Variants in NEBL observed in about 807,000 individuals in gnomAD.
The protein encoded by NEBL is LIM and SH3 protein 2.
In NEBL, 122 loss-of-function variants were observed where a neutral mutation model predicts 140.2. That is an observed-to-expected ratio of 0.87 (90% CI 0.75 to 1.01). The LOEUF (loss-of-function observed/expected upper bound fraction) is 1.01, where lower values mean the gene tolerates loss of function less well. Ranked by LOEUF, NEBL falls within the 50% of genes least tolerant of loss-of-function variation. NEBL has a pLI of 0.00. For synonymous variants in NEBL, 436 were observed against 398.9 expected, an observed-to-expected ratio of 1.09 and a Z score of -1.11; for missense variants, 1,365 against 1,231.3, an observed-to-expected ratio of 1.11 and a Z score of -1.62.
At chr10:21,232,121 GGTT>G (rs1842273378) in intron 3 of NEBL, among the ~76,000 whole-genome samples, 1 of 152,016 alleles carries the variant, frequency 6.6e-6, no homozygotes, top group Non-Finnish European at 1.5e-5. Context: ...ACTGCCACAG[GGTT>G]GTTGTTTTTT....
rs1844730821 is a variant in NEBL at position 20,869,804 on chromosome 10, T to C, written c.518A>G (p.Tyr173Cys). ...YRKDVQDTHT[Y>C]SAELDRPDIK... ...GTCTGGTCGGTCAAGTTCTGCACTG[T>C]ACGTGTGGGTGTCCTGCACGTCTTT... The change falls in exon 6 of 28, where the codon TAC becomes TGC. Residue 173 changes from tyrosine to cysteine, a missense_variant. By Grantham distance (194) the Tyr-to-Cys change is radical (BLOSUM62 -2). Coordinates refer to ENST00000377122, the MANE Select transcript of NEBL (RefSeq NM_006393.3). 5.0e-6 allele frequency: 8 copies of C among 1,613,484 alleles called. No homozygotes were observed. The highest frequency in any genetic ancestry group is 6.8e-6 in the Non-Finnish European group (8 of 1,179,440).
At chr10:21,066,625 C>T (rs1835559505) in intron 2 of NEBL, among the ~76,000 whole-genome samples, 1 of 152,224 alleles carries the variant, frequency 6.6e-6, no homozygotes, top group African/African-American at 2.4e-5. Context: ...TTATTTTAAG[C>T]CTCCGAATTT....
At chr10:20,971,469 A>C (rs1222314291) in intron 3 of NEBL, among the ~76,000 whole-genome samples, 1 of 150,796 alleles carries the variant, frequency 6.6e-6, no homozygotes, top group Non-Finnish European at 1.5e-5. Context: ...ATTATACTTT[A>C]AGTTTTAGGG....
chr10:21,084,875 T>C (rs550804948), intron 2 of NEBL, among the ~76,000 whole-genome samples: 5 of 152,326 alleles, frequency 3.3e-5, no homozygotes, highest in East Asian at 3.9e-4. Context: ...GGTCTGGTCA[T>C]GGTTCTTGGT....
At chr10:20,885,708 T>C (rs1337935823) in intron 4 of NEBL, among the ~76,000 whole-genome samples, 1 of 152,196 alleles carries the variant, frequency 6.6e-6, no homozygotes, top group Non-Finnish European at 1.5e-5. Flanking sequence ...AAAGCAATAA[T>C]AGATTGTTTT....
chr10:21,271,718 G>A (rs992626329), intron 1 of NEBL, among the ~76,000 whole-genome samples: 29 of 151,192 alleles, frequency 1.9e-4, no homozygotes, highest in African/African-American at 5.6e-4. Flanking sequence ...TAGAGACGGG[G>A]TTTCACCATG....
intron 3 of NEBL, chr10:21,020,101 A>G: frequency 6.2e-7 from 1 of 1,606,342 alleles, no homozygotes; most frequent in Non-Finnish European, 8.5e-7. Context: ...AACAAAACAA[A>G]TCTTCTAGAA....
Position 20,840,596 on chromosome 10 carries a change from C to G in NEBL, c.1338+143G>C, listed in dbSNP as rs1215801953. On this transcript the variant is annotated intron_variant, in intron 13 of 27. Coordinates refer to ENST00000377122, the MANE Select transcript of NEBL (RefSeq NM_006393.3). ...GGGGATTTTAAAAAAAATTAATAGTCCAAGAAAAGACTACAAGGATATAGC... is the reference window on the plus strand; with the variant it reads ...GGGGATTTTAAAAAAAATTAATAGTGCAAGAAAAGACTACAAGGATATAGC... 9 of 645,236 alleles carry G rather than the reference C, an allele frequency of 1.4e-5. No homozygotes were observed. The East Asian group carries it at 1.7e-4, about 12-fold the overall frequency. The allele number at this position is 645,236 out of a possible 1,614,324, so 40.0% of individuals were successfully genotyped here. A position where few individuals can be genotyped will look rare whatever the true frequency, so the allele number is the denominator to read the frequency against.
intron 2 of NEBL, chr10:21,146,224 G>T: frequency 2.6e-6 from 2 of 767,020 alleles, no homozygotes; most frequent in South Asian, 1.9e-5. Flanking sequence ...TTCATGCAGA[G>T]GGTACTCCGT....
intron 2 of NEBL, among the ~76,000 whole-genome samples, chr10:21,169,067 A>AAAAAAATATATATATAT (rs1554830679): frequency 2.2e-4 from 5 of 23,070 alleles, no homozygotes; most frequent in East Asian, 1.3e-3. Context: ...AAAAAAAAAA[A>AAAAAAATATATATATAT]ATATATATAT....
chr10:21,043,276 G>GC (rs1282624976), intron 2 of NEBL, among the ~76,000 whole-genome samples: 1 of 152,090 alleles, frequency 6.6e-6, no homozygotes, highest in African/African-American at 2.4e-5. Context: ...ATAAAATGGA[G>GC]CAACACCAAC....
At chr10:20,991,593 T>C (rs910922492) in intron 3 of NEBL, among the ~76,000 whole-genome samples, 1 of 152,146 alleles carries the variant, frequency 6.6e-6, no homozygotes, top group South Asian at 2.1e-4. Context: ...TTCCTTTTTT[T>C]GTTTTGTTTT....
At chr10:21,030,570 C>T (rs1833737089) in intron 2 of NEBL, 1 of 691,930 alleles carries the variant, frequency 1.4e-6, no homozygotes, top group Non-Finnish European at 2.6e-6. Context: ...ACACACAGCA[C>T]GAATACCCTA....
chr10:20,875,054 G>A (rs1845353931), intron 5 of NEBL, among the ~76,000 whole-genome samples: 1 of 152,130 alleles, frequency 6.6e-6, no homozygotes, highest in African/African-American at 2.4e-5. Context: ...TTTTTCTACA[G>A]TGCCAAATCT....
intron 3 of NEBL, among the ~76,000 whole-genome samples, chr10:21,002,700 C>T (rs927745166): frequency 3.3e-5 from 5 of 151,854 alleles, no homozygotes; most frequent in East Asian, 1.9e-4. Context: ...AGAGAGCGAG[C>T]GAAGGGGGAA....
At chr10:20,907,422 T>A (rs1848138057) in intron 4 of NEBL, among the ~76,000 whole-genome samples, 1 of 152,182 alleles carries the variant, frequency 6.6e-6, no homozygotes, top group African/African-American at 2.4e-5. Context: ...ATATTCACCC[T>A]CTAATTTTCT....
At chr10:21,216,778 AAAAAAG>A (rs1457470500) in intron 3 of NEBL, among the ~76,000 whole-genome samples, 4 of 151,516 alleles carry the variant, frequency 2.6e-5, no homozygotes, top group African/African-American at 7.3e-5. Flanking sequence ...CTCGAAAAAA[AAAAAAG>A]AAAAAGAAAA....
At chr10:21,261,387 A>G (rs148308239) in intron 1 of NEBL, among the ~76,000 whole-genome samples, 4,074 of 152,270 alleles carry the variant, frequency 0.027, 73 homozygotes, top group Middle Eastern at 0.061. Flanking sequence ...CAGGCTGGGC[A>G]CAGCGGCTCA....
rs1319554345 is a variant in NEBL at position 21,172,479 on chromosome 10, T to TG, written c.70-3dup. On this transcript the variant is annotated splice_polypyrimidine_tract_variant and splice_region_variant and intron_variant, in intron 1 of 6. Coordinates refer to the NEBL transcript ENST00000417816. ...ATGGAAACATCCTTTATGCCAATAC[T>TG]GGAAAAAAAAAAAAAACATTTAAAA... 7 of 1,553,644 alleles carry TG rather than the reference T, an allele frequency of 4.5e-6. No homozygotes were observed. In the South Asian group the frequency reaches 4.6e-5, roughly 10 times the overall value.
Sources: gnomAD v4.1 joint callset for allele counts (sites outside exome capture counted in the v4.1 genomes callset) on GRCh38, gnomAD v4.1.1 for gene constraint, MANE v1.5 for transcripts, NCBI Gene and HGNC (gene_info 2026-07-23, HGNC 2026-07-21) for gene names.